PCDHGA1: variants seen among roughly 807,000 people sequenced by gnomAD.
The protein encoded by PCDHGA1 is protocadherin gamma subfamily A, 1, also known as protocadherin gamma-A1.
In PCDHGA1, 32 loss-of-function variants were observed where a neutral mutation model predicts 58.0. That is an observed-to-expected ratio of 0.55 (90% CI 0.42 to 0.74). The LOEUF is 0.74. Ranked by LOEUF, PCDHGA1 falls within the 30% of genes least tolerant of loss-of-function variation. The pLI is 0.00. For missense variants in PCDHGA1, 1,205 were observed against 1,182.3 expected, an observed-to-expected ratio of 1.02 and a Z score of -0.28; for synonymous variants, 498 against 501.1, an observed-to-expected ratio of 0.99 and a Z score of 0.08.
chr5:141,507,478 C>A (rs933478897), intron 3 of PCDHGA1, among the ~76,000 whole-genome samples: 3 of 152,158 alleles, frequency 2.0e-5, no homozygotes, highest in Non-Finnish European at 4.4e-5. Context: ...GGACTGCTGG[C>A]CTCCTGAGGC....
intron 1 of PCDHGA1, chr5:141,350,441 A>G (rs754364956): frequency 1.9e-6 from 3 of 1,610,584 alleles, no homozygotes; most frequent in Non-Finnish European, 2.5e-6. Context: ...GGAGTTGCCA[A>G]CTCGAAAACT....
In PCDHGA1 at chr5:141,366,149, C is replaced by G. The variant is rs532159175; in HGVS notation, c.2421+33044C>G. Reference sequence around the variant, plus strand: ...AGGCCAGAACGCCTGGCTGTCCTACCGCCTGCTTAAGGCCAGCGAGCCAGG... The same window carrying G: ...AGGCCAGAACGCCTGGCTGTCCTACGGCCTGCTTAAGGCCAGCGAGCCAGG... On this transcript the variant is annotated intron_variant, in intron 1 of 3. Transcript: ENST00000517417. 1.9e-6 allele frequency: 3 copies of G among 1,614,160 alleles called. No individual in the cohort carries two copies. The African/African-American group carries it at 4.0e-5, about 22-fold the overall frequency.
Position 141,399,737 on chromosome 5 carries a change from C to T in PCDHGA1, c.2421+66632C>T, listed in dbSNP as rs888467903. The T allele has an allele frequency of 2.5e-6, 4 of 1,613,296 alleles. No homozygotes were observed. In the South Asian group the frequency reaches 3.3e-5, roughly 13 times the overall value. On this transcript the variant is annotated intron_variant, in intron 1 of 3. Coordinates refer to ENST00000517417, the MANE Select transcript of PCDHGA1 (RefSeq NM_018912.3). Reference sequence around the variant, plus strand: ...CAGGCCCGCGACCAGGGCTCGCCTGCGCTCAGCGCAAACGTGAGCCTGCGC... The same window carrying T: ...CAGGCCCGCGACCAGGGCTCGCCTGTGCTCAGCGCAAACGTGAGCCTGCGC...
intron 1 of PCDHGA1, chr5:141,426,597 T>C (rs2096946172): frequency 2.6e-6 from 1 of 377,476 alleles, no homozygotes. Context: ...TGTCATACCC[T>C]TAGAGATTGT....
At chr5:141,383,538 A>G in intron 1 of PCDHGA1, 1 of 1,612,704 alleles carries the variant, frequency 6.2e-7, no homozygotes, top group African/African-American at 1.3e-5. Context: ...TGGTCCTCAC[A>G]GCCTCTGATG....
At position 141,368,171 on chromosome 5, in the gene PCDHGA1, A is replaced by T. The variant is rs143914194; in HGVS notation, c.2421+35066A>T. ...TTTAAAACCTTGAGCATCAGCTTCAAATAATGACTAAATAAGGGGAAAAGG... is the reference window on the plus strand; with the variant it reads ...TTTAAAACCTTGAGCATCAGCTTCATATAATGACTAAATAAGGGGAAAAGG... On this transcript the variant is annotated intron_variant, in intron 1 of 3. Coordinates refer to ENST00000517417, the MANE Select transcript of PCDHGA1 (RefSeq NM_018912.3). Among the ~76,000 whole-genome samples the T allele has an allele frequency of 3.1e-4, 47 of 152,352 alleles. No homozygotes were observed. In the East Asian group the frequency reaches 8.3e-3, roughly 27 times the overall value.
intron 1 of PCDHGA1, chr5:141,413,901 C>T (rs375828969): frequency 1.5e-5 from 24 of 1,613,244 alleles, no homozygotes; most frequent in African/African-American, 1.1e-4. Context: ...CAAATGACAA[C>T]GCGCCGGTCT....
At chr5:141,393,218 C>G (rs1157907229) in intron 1 of PCDHGA1, 2 of 1,613,598 alleles carry the variant, frequency 1.2e-6, no homozygotes, top group Admixed American at 3.3e-5. Flanking sequence ...AATTCCAGGT[C>G]GAAGATCTAG....
chr5:141,345,408 G>T (rs1216474158), intron 1 of PCDHGA1: 1 of 1,613,800 alleles, frequency 6.2e-7, no homozygotes, highest in African/African-American at 1.3e-5. Context: ...ATCCTACTCC[G>T]CCTACATTCC....
Position 141,408,693 on chromosome 5 carries a change from TAAACTC to T in PCDHGA1, c.2421+75591_2421+75596del, listed in dbSNP as rs1561714743. 1.9e-6 allele frequency: 3 copies of T among 1,613,768 alleles called. No homozygotes were observed. In the African/African-American group the frequency reaches 4.0e-5, roughly 22 times the overall value. On this transcript the variant is annotated intron_variant, in intron 1 of 3. Coordinates refer to ENST00000517417, the MANE Select transcript of PCDHGA1 (RefSeq NM_018912.3). The stretch of plus-strand genomic sequence containing the variant: ...CCTGCCACGGATCCTGATATAAACA[TAAACTC>T]AATTAAAGATTATAAGATAAACTCT...
At chr5:141,375,325 G>A (rs1021429198) in intron 1 of PCDHGA1, 6 of 1,613,650 alleles carry the variant, frequency 3.7e-6, no homozygotes, top group Admixed American at 1.7e-5. Context: ...ACCGGGAAGA[G>A]GTATTCTTGT....
chr5:141,403,532 C>T (rs1313886103), intron 1 of PCDHGA1: 2 of 1,613,892 alleles, frequency 1.2e-6, no homozygotes, highest in African/African-American at 2.7e-5. Context: ...AAACCCAGAG[C>T]TGGTGCTGGA....
At chr5:141,429,445 G>C (rs2097215795) in intron 1 of PCDHGA1, among the ~76,000 whole-genome samples, 1 of 151,758 alleles carries the variant, frequency 6.6e-6, no homozygotes, top group Admixed American at 6.6e-5. Context: ...AAACTCTTGG[G>C]CTACAGTAAT....
chr5:141,374,510 C>A, intron 1 of PCDHGA1: 1 of 1,611,824 alleles, frequency 6.2e-7, no homozygotes, highest in Non-Finnish European at 8.5e-7. Flanking sequence ...AGTGAAAATT[C>A]TCGAAAACGC....
At chr5:141,500,723 G>A (rs6875791) in intron 2 of PCDHGA1, among the ~76,000 whole-genome samples, 4,890 of 152,100 alleles carry the variant, frequency 0.032, 255 homozygotes, top group African/African-American at 0.11. Flanking sequence ...ATTTCCCCAT[G>A]TCTTTCAAAA....
At chr5:141,502,030 C>T (rs1031787021) in intron 2 of PCDHGA1, among the ~76,000 whole-genome samples, 4 of 152,180 alleles carry the variant, frequency 2.6e-5, no homozygotes, top group Non-Finnish European at 4.4e-5. Flanking sequence ...CAACCCCCGC[C>T]GCTTGCCTGC....
chr5:141,508,627 C>T (rs566012494), intron 3 of PCDHGA1, among the ~76,000 whole-genome samples: 1 of 152,262 alleles, frequency 6.6e-6, no homozygotes, highest in South Asian at 2.1e-4. Flanking sequence ...GTGGGCCGAG[C>T]TTCTAGCTAC....
At position 141,423,758 on chromosome 5, in the gene PCDHGA1, G is replaced by GC. The variant is rs1554116873; in HGVS notation, c.2422-71049_2422-71048insC. 1.7e-4 allele frequency: 62 copies of GC among 366,836 alleles called. 2 individuals are homozygous for GC. The highest frequency in any genetic ancestry group is 4.2e-4 in the Middle Eastern group (1 of 2,358). The allele number at this position is 366,836 out of a possible 1,614,324, so 22.7% of individuals were successfully genotyped here. Reference sequence around the variant, plus strand: ...CTGTTATGAAAACTGTTTGGGGGGGGGGTGGGGCGGCATATATTTAGTTCA... The same window carrying GC: ...CTGTTATGAAAACTGTTTGGGGGGGGCGGTGGGGCGGCATATATTTAGTTCA... On this transcript the variant is annotated intron_variant, in intron 1 of 3. Coordinates refer to ENST00000517417, the MANE Select transcript of PCDHGA1 (RefSeq NM_018912.3).
At chr5:141,439,506 C>G (rs2098117403) in intron 1 of PCDHGA1, among the ~76,000 whole-genome samples, 1 of 152,234 alleles carries the variant, frequency 6.6e-6, no homozygotes, top group Non-Finnish European at 1.5e-5. Flanking sequence ...GTCTTTCTCT[C>G]TGCTCTCAAC....
Sources: gnomAD v4.1 joint callset for allele counts (sites outside exome capture counted in the v4.1 genomes callset) on GRCh38, gnomAD v4.1.1 for gene constraint, MANE v1.5 for transcripts, NCBI Gene and HGNC (gene_info 2026-07-23, HGNC 2026-07-21) for gene names.